The following ZFPM2 variants were observed in gnomAD, a reference collection of about 807,000 sequenced individuals.
ZFPM2 encodes the protein zinc finger protein ZFPM2.
A neutral mutation model predicts 98.6 loss-of-function variants in ZFPM2; 20 were observed. The observed-to-expected ratio is 0.20, with a 90% confidence interval of 0.14 to 0.29. The LOEUF (loss-of-function observed/expected upper bound fraction) is 0.29, where lower values mean the gene tolerates loss of function less well. Ranked by LOEUF, ZFPM2 falls within the 10% of genes least tolerant of loss-of-function variation. ZFPM2 has a pLI of 1.00. For missense variants in ZFPM2, 1,310 were observed against 1,388.6 expected, an observed-to-expected ratio of 0.94 and a Z score of 0.90; for synonymous variants, 518 against 502.7, an observed-to-expected ratio of 1.03 and a Z score of -0.41.
At chr8:105,359,137 T>C (rs1330235992) in intron 1 of ZFPM2, among the ~76,000 whole-genome samples, 1 of 152,076 alleles carries the variant, frequency 6.6e-6, no homozygotes, top group Non-Finnish European at 1.5e-5. Context: ...CATGCTGTTC[T>C]TGTGACAGTG....
chr8:105,411,654 G>A (rs534520678), intron 1 of ZFPM2, among the ~76,000 whole-genome samples: 1 of 151,766 alleles, frequency 6.6e-6, no homozygotes, highest in East Asian at 1.9e-4. Context: ...ATATACTTTT[G>A]TATTTTTTTC....
intron 4 of ZFPM2, among the ~76,000 whole-genome samples, chr8:105,600,015 A>G (rs1239849771): frequency 6.6e-6 from 1 of 152,124 alleles, no homozygotes; most frequent in African/African-American, 2.4e-5. Context: ...GTTATCTTTT[A>G]TGTTGCAGGA....
At chr8:105,533,308 C>T (rs1814336604) in intron 3 of ZFPM2, among the ~76,000 whole-genome samples, 1 of 152,030 alleles carries the variant, frequency 6.6e-6, no homozygotes. Context: ...TTGATGAAAG[C>T]TGTGACAGTT....
At chr8:105,474,143 A>T (rs1812965404) in intron 3 of ZFPM2, among the ~76,000 whole-genome samples, 2 of 152,212 alleles carry the variant, frequency 1.3e-5, no homozygotes, top group African/African-American at 4.8e-5. Context: ...CCCGAATAAA[A>T]TCTAAGATTT....
Position 105,614,212 on chromosome 8 carries a change from T to C in ZFPM2, c.421-20034T>C, listed in dbSNP as rs532777538. 2.6e-5 allele frequency among the ~76,000 whole-genome samples: 4 copies of C among 152,306 alleles called. No homozygotes were observed. In the East Asian group the frequency reaches 7.7e-4, roughly 29 times the overall value. On this transcript the variant is annotated intron_variant, in intron 4 of 7. Coordinates refer to ENST00000407775, the MANE Select transcript of ZFPM2 (RefSeq NM_012082.4). ...CAATAACAGAAGTGCAAGATGTTAA[T>C]TATTATTTCTGTTTCTAACTTTATA...
At chr8:105,724,129 G>A (rs1761113095) in intron 5 of ZFPM2, among the ~76,000 whole-genome samples, 1 of 151,644 alleles carries the variant, frequency 6.6e-6, no homozygotes, top group South Asian at 2.1e-4. Flanking sequence ...AGATCTATAG[G>A]TATTTCTTTC....
intron 5 of ZFPM2, among the ~76,000 whole-genome samples, chr8:105,767,556 ATG>A (rs1431512417): frequency 6.6e-6 from 1 of 151,946 alleles, no homozygotes; most frequent in African/African-American, 2.4e-5. Context: ...TTAAAAATGA[ATG>A]TATTATTCAA....
intron 3 of ZFPM2, among the ~76,000 whole-genome samples, chr8:105,508,374 C>T (rs1376720601): frequency 6.6e-6 from 1 of 152,106 alleles, no homozygotes; most frequent in East Asian, 1.9e-4. Context: ...TACCCCCAAC[C>T]TCCTCAGTTT....
chr8:105,582,261 G>A (rs1815617569), intron 4 of ZFPM2, among the ~76,000 whole-genome samples: 1 of 152,178 alleles, frequency 6.6e-6, no homozygotes. Context: ...TCAGAATAAT[G>A]AGTTTGAAAG....
In ZFPM2 at chr8:105,740,543, T is replaced by A. The variant is rs547913759; in HGVS notation, c.533-48175T>A. On this transcript the variant is annotated intron_variant, in intron 5 of 7. Coordinates refer to ENST00000407775, the MANE Select transcript of ZFPM2 (RefSeq NM_012082.4). ...TGTGTGTATGCATATATATATATATTATATATATATATATACATGTGTTAT... is the reference window on the plus strand; with the variant it reads ...TGTGTGTATGCATATATATATATATAATATATATATATATACATGTGTTAT... Among the ~76,000 whole-genome samples the A allele has an allele frequency of 2.7e-4, 38 of 138,384 alleles. 1 individual carries two copies. The highest frequency in any genetic ancestry group is 3.9e-3 in the Middle Eastern group (1 of 256). The allele number at this position is 138,384 out of a possible 152,430, so 90.8% of individuals were successfully genotyped here. A position where few individuals can be genotyped will look rare whatever the true frequency, so the allele number is the denominator to read the frequency against.
intron 3 of ZFPM2, among the ~76,000 whole-genome samples, chr8:105,511,563 A>G (rs1813818061): frequency 6.6e-6 from 1 of 152,194 alleles, no homozygotes; most frequent in African/African-American, 2.4e-5. Context: ...GGACAGAATT[A>G]TTTAATTTAG....
chr8:105,566,827 A>G (rs1394801510), intron 4 of ZFPM2, among the ~76,000 whole-genome samples: 4 of 152,194 alleles, frequency 2.6e-5, no homozygotes, highest in African/African-American at 9.6e-5. Flanking sequence ...TCAACAAATG[A>G]AATTTGACAG....
rs535390714 is a variant in ZFPM2 at position 105,605,329 on chromosome 8, G to T, written c.421-28917G>T. On this transcript the variant is annotated intron_variant, in intron 4 of 7. Transcript: ENST00000407775. ...ATAATTACTTCAAGAGATTTTTTTT[G>T]AAAACAAAGTAATACACATTTACAT... Among the ~76,000 whole-genome samples, 3 of 151,758 alleles carry T rather than the reference G, an allele frequency of 2.0e-5. No individual in the cohort carries two copies. The East Asian group carries it at 5.8e-4, about 29-fold the overall frequency.
In ZFPM2 at chr8:105,801,853, A is replaced by T. The variant is rs1814029621; in HGVS notation, c.1771A>T (p.Met591Leu). 2.5e-6 allele frequency: 4 copies of T among 1,613,890 alleles called. No individual in the cohort carries two copies. The highest frequency in any genetic ancestry group is 1.3e-5 in the African/African-American group (1 of 74,930). ...AGAGTTCCCTAGTGTGTCAGAAAAG[A>T]TGCCTGAAGCTTTGAGTCCCAACAC... The part of the protein sequence containing the change: ...SPEFPSVSEK[M>L]PEALSPNTGQ... Residue 591 changes from methionine to leucine, a missense_variant, in exon 8 of 8, where the codon ATG becomes TTG. Met to Leu is a conservative substitution (Grantham distance 15). Transcript: ENST00000407775.
intron 3 of ZFPM2, among the ~76,000 whole-genome samples, chr8:105,463,684 G>A (rs372550667): frequency 2.3e-4 from 35 of 152,106 alleles, no homozygotes; most frequent in African/African-American, 8.0e-4. Context: ...ATTCATCCAG[G>A]TGGCCTTGGG....
chr8:105,406,846 C>T (rs540043579), intron 1 of ZFPM2, among the ~76,000 whole-genome samples: 14 of 152,036 alleles, frequency 9.2e-5, no homozygotes, highest in Non-Finnish European at 1.2e-4. Context: ...TAGTGAATGG[C>T]AGAGGCAATA....
intron 5 of ZFPM2, among the ~76,000 whole-genome samples, chr8:105,776,090 A>C (rs1467313491): frequency 7.1e-6 from 1 of 141,430 alleles, no homozygotes; most frequent in African/African-American, 2.7e-5. Flanking sequence ...TCTTACAAGG[A>C]AAAAAAAAAA....
chr8:105,768,835 A>G (rs554807519), intron 5 of ZFPM2, among the ~76,000 whole-genome samples: 2 of 151,940 alleles, frequency 1.3e-5, no homozygotes, highest in South Asian at 2.1e-4. Context: ...ACACACACAC[A>G]CACGCACGCA....
chr8:105,447,690 G>C (rs1337221978), intron 3 of ZFPM2, among the ~76,000 whole-genome samples: 1 of 152,054 alleles, frequency 6.6e-6, no homozygotes, highest in Non-Finnish European at 1.5e-5. Context: ...CAGAGTCAAA[G>C]GATGGGAAAA....
Sources: allele counts gnomAD v4.1 joint callset (sites outside exome capture counted in the v4.1 genomes callset), GRCh38; gene constraint gnomAD v4.1.1; transcripts MANE v1.5; gene names NCBI Gene and HGNC (gene_info 2026-07-23, HGNC 2026-07-21).